Variants in ZNF423 observed in about 807,000 individuals in gnomAD.
The protein encoded by ZNF423 is zinc finger protein 423.
A neutral mutation model predicts 95.8 loss-of-function variants in ZNF423; 12 were observed. That is an observed-to-expected ratio of 0.13 (90% CI 0.08 to 0.20). ZNF423 has a LOEUF of 0.20. Ranked by LOEUF, ZNF423 falls within the 10% of genes least tolerant of loss-of-function variation. ZNF423 has a pLI of 1.00. For missense variants in ZNF423, 1,316 were observed against 1,737.1 expected (o/e 0.76, Z 4.31); for synonymous variants, 749 against 711.9 (o/e 1.05, Z -0.83).
At chr16:49,799,027 T>C (rs968317175) in intron 1 of ZNF423, among the ~76,000 whole-genome samples, 1 of 151,944 alleles carries the variant, frequency 6.6e-6, no homozygotes, top group African/African-American at 2.4e-5. Context: ...GGCTGTGAGG[T>C]AGAGGAGGGA....
intron 5 of ZNF423, among the ~76,000 whole-genome samples, chr16:49,564,940 T>C (rs1349937186): frequency 1.3e-5 from 2 of 152,128 alleles, no homozygotes; most frequent in African/African-American, 4.8e-5. Context: ...CACGGGTCCC[T>C]CTCCCCACTC....
intron 1 of ZNF423, among the ~76,000 whole-genome samples, chr16:49,850,955 G>A (rs537759812): frequency 8.5e-5 from 13 of 152,274 alleles, no homozygotes; most frequent in African/African-American, 3.1e-4. Flanking sequence ...TCAGACCATT[G>A]TTGAGGAGGA....
intron 5 of ZNF423, among the ~76,000 whole-genome samples, chr16:49,577,813 C>CAA (rs1399879011): frequency 6.6e-6 from 1 of 152,236 alleles, no homozygotes; most frequent in Admixed American, 6.5e-5. Context: ...CATGCAGGTG[C>CAA]AAGAGGCCTC....
intron 7 of ZNF423, among the ~76,000 whole-genome samples, chr16:49,509,268 C>T (rs9929500): frequency 0.42 from 63,269 of 151,908 alleles, 13,718 homozygotes; most frequent in African/African-American, 0.54. Context: ...TCCCCTGGGA[C>T]GCCTAAAGGA....
At chr16:49,573,992 G>A (rs556379094) in intron 5 of ZNF423, among the ~76,000 whole-genome samples, 1 of 152,326 alleles carries the variant, frequency 6.6e-6, no homozygotes, top group South Asian at 2.1e-4. Flanking sequence ...CAATCTCTAA[G>A]GAATCACTGC....
At chr16:49,730,437 A>C in intron 3 of ZNF423, 1 of 351,876 alleles carries the variant, frequency 2.8e-6, no homozygotes, top group South Asian at 3.2e-5. Flanking sequence ...ACTTTGCACT[A>C]ACAACCTCTT....
intron 1 of ZNF423, among the ~76,000 whole-genome samples, chr16:49,813,165 C>T (rs1345652268): frequency 6.6e-6 from 1 of 152,060 alleles, no homozygotes; most frequent in Non-Finnish European, 1.5e-5. Flanking sequence ...GTATGAATGA[C>T]ATTAGACTGG....
intron 5 of ZNF423, among the ~76,000 whole-genome samples, chr16:49,573,984 A>G (rs1350300693): frequency 6.6e-6 from 1 of 152,210 alleles, no homozygotes; most frequent in Non-Finnish European, 1.5e-5. Context: ...AGCCGTACCA[A>G]TCTCTAAGGA....
chr16:49,854,160 C>A (rs909269868), intron 1 of ZNF423: 30 of 985,282 alleles, frequency 3.0e-5, no homozygotes, highest in Non-Finnish European at 3.6e-5. Context: ...CTCTGAACCC[C>A]CAGTTCTGTG....
intron 3 of ZNF423, among the ~76,000 whole-genome samples, chr16:49,726,201 C>T (rs779214316): frequency 3.3e-5 from 5 of 152,122 alleles, no homozygotes; most frequent in Non-Finnish European, 5.9e-5. Flanking sequence ...AGCATGACAG[C>T]GCAGACGGAG....
At chr16:49,751,806 C>T (rs2033637950) in intron 2 of ZNF423, among the ~76,000 whole-genome samples, 1 of 152,210 alleles carries the variant, frequency 6.6e-6, no homozygotes, top group Admixed American at 6.5e-5. Context: ...GCCAACTCAG[C>T]AACTATGACA....
At chr16:49,514,246 GCACACA>G (rs757863199) in intron 7 of ZNF423, among the ~76,000 whole-genome samples, 9 of 139,044 alleles carry the variant, frequency 6.5e-5, no homozygotes, top group African/African-American at 1.1e-4. Context: ...ACACGCACAC[GCACACA>G]CACACACACA....
In ZNF423 at chr16:49,489,136, C is replaced by T. The variant is rs1051267073; in HGVS notation, c.*2139G>A. 1.3e-5 allele frequency: 2 copies of T among 152,210 alleles called. No homozygotes were observed. The highest frequency in any genetic ancestry group is 2.4e-5 in the African/African-American group (1 of 41,442). The allele number at this position is 152,210 out of a possible 1,614,324, so 9.4% of individuals were successfully genotyped here. A position where few individuals can be genotyped will look rare whatever the true frequency, so the allele number is the denominator to read the frequency against. ...AGCCCTACGCCACCAACCGTCAAATCGAATCTTCTATTGGTAGTTACTGAG... is the reference window on the plus strand; with the variant it reads ...AGCCCTACGCCACCAACCGTCAAATTGAATCTTCTATTGGTAGTTACTGAG... On this transcript the variant is annotated 3_prime_UTR_variant, in exon 8 of 8. Transcript: ENST00000563137.
chr16:49,546,133 C>G (rs1196855324), intron 5 of ZNF423, among the ~76,000 whole-genome samples: 1 of 152,046 alleles, frequency 6.6e-6, no homozygotes, highest in Non-Finnish European at 1.5e-5. Context: ...ATTTTTATAC[C>G]CACAAATGCA....
chr16:49,559,567 C>T (rs1268256745), intron 5 of ZNF423, among the ~76,000 whole-genome samples: 2 of 152,222 alleles, frequency 1.3e-5, no homozygotes, highest in Non-Finnish European at 2.9e-5. Flanking sequence ...AATCTTCCCC[C>T]ACTGAAAAGA....
Position 49,525,369 on chromosome 16 carries a change from A to G in ZNF423, c.3727T>C (p.Phe1243Leu). 3 of 1,613,992 alleles carry G rather than the reference A, an allele frequency of 1.9e-6. No individual in the cohort carries two copies. Among genetic ancestry groups the G allele is most frequent in the Non-Finnish European group, 2.5e-6 (3 of 1,179,926 alleles). The change falls in exon 6 of 8, where the codon TTC becomes CTC. Residue 1243 changes from phenylalanine (F) to leucine (L), a missense_variant. Coordinates refer to ENST00000563137, the MANE Select transcript of ZNF423 (RefSeq NM_001379286.1). The part of the protein sequence containing the change: ...MGGTFKCPVC[F>L]TVFVQANKLQ... ...CACAAGCTGGGTACCTTACCTGTGA[A>G]ACACACGGGGCATTTGAAGGTGCCG...
At chr16:49,837,400 G>A (rs2035132372) in intron 1 of ZNF423, among the ~76,000 whole-genome samples, 1 of 152,190 alleles carries the variant, frequency 6.6e-6, no homozygotes, top group Non-Finnish European at 1.5e-5. Context: ...GAAACTTGGA[G>A]GTGCCTGTGA....
chr16:49,499,178 G>T (rs2151655925), intron 7 of ZNF423, among the ~76,000 whole-genome samples: 1 of 152,336 alleles, frequency 6.6e-6, no homozygotes, highest in Non-Finnish European at 1.5e-5. Flanking sequence ...GAGTGAAGCT[G>T]GTGGCCCACT....
chr16:49,822,469 C>T (rs1243591355), intron 1 of ZNF423, among the ~76,000 whole-genome samples: 2 of 152,142 alleles, frequency 1.3e-5, no homozygotes, highest in African/African-American at 2.4e-5. Flanking sequence ...CCACCACATC[C>T]GGCCCCCTGC....
Sources: allele counts gnomAD v4.1 joint callset (sites outside exome capture counted in the v4.1 genomes callset), GRCh38; gene constraint gnomAD v4.1.1; transcripts MANE v1.5; gene names NCBI Gene and HGNC (gene_info 2026-07-23, HGNC 2026-07-21).